CLEC12A: variants seen among roughly 807,000 people sequenced by gnomAD.
CLEC12A encodes C-type lectin domain family 12 member A, also known as C-type lectin protein CLL-1.
Under a neutral mutation model 26.5 loss-of-function variants are expected in CLEC12A, and 22 were observed. The ratio of observed to expected loss-of-function variants is 0.83; its 90% confidence interval spans 0.59 to 1.19. The LOEUF is 1.19. CLEC12A is among the 50% of genes most tolerant of loss of function. The pLI is 0.00. For synonymous variants in CLEC12A, 119 were observed against 101.9 expected (o/e 1.17, Z -1.01); for missense variants, 353 against 315.6 (o/e 1.12, Z -0.90).
the CLEC12A span, among the ~76,000 whole-genome samples, chr12:10,005,424 G>T: frequency 3.3e-5 from 5 of 152,130 alleles, no homozygotes; most frequent in Non-Finnish European, 4.4e-5. Context: ...AATTGCCCAG[G>T]TTTCTTCCAT....
chr12:9,970,002 T>C (rs1388189700), upstream of CLEC12A, among the ~76,000 whole-genome samples: 1 of 152,244 alleles, frequency 6.6e-6, no homozygotes, highest in East Asian at 1.9e-4. Context: ...AGTAAAGTAC[T>C]TAGGATGAAG....
At chr12:10,001,355 G>T in the CLEC12A span, among the ~76,000 whole-genome samples, 1 of 152,186 alleles carries the variant, frequency 6.6e-6, no homozygotes, top group African/African-American at 2.4e-5. Flanking sequence ...CGCCTTTGAA[G>T]ATATTCCTTT....
chr12:9,980,003 C>G (rs1285254800), intron 3 of CLEC12A, among the ~76,000 whole-genome samples: 1 of 152,120 alleles, frequency 6.6e-6, no homozygotes, highest in East Asian at 1.9e-4. Flanking sequence ...AAAACATATT[C>G]CTTTTGCTCC....
exon 5 of CLEC12A, chr12:9,995,395 G>A (rs1865017165): frequency 2.8e-6 from 2 of 727,060 alleles, no homozygotes; most frequent in Non-Finnish European, 4.9e-6. Flanking sequence ...GTTTGAAATT[G>A]TACCAATTTG....
upstream of CLEC12A, among the ~76,000 whole-genome samples, chr12:9,967,606 G>C (rs1490385943): frequency 2.0e-5 from 3 of 152,052 alleles, no homozygotes; most frequent in African/African-American, 7.2e-5. Flanking sequence ...GAGACATGGA[G>C]AGAAGGGGTT....
chr12:9,955,907 C>G (rs999275477), intron 1 of CLEC12A, among the ~76,000 whole-genome samples: 2 of 152,022 alleles, frequency 1.3e-5, no homozygotes. Context: ...TGGAGGAAAA[C>G]GTTGCTTCTC....
At chr12:9,987,992 G>T (rs1399283909), downstream of CLEC12A, among the ~76,000 whole-genome samples, 1 of 151,608 alleles carries the variant, frequency 6.6e-6, no homozygotes, top group Non-Finnish European at 1.5e-5. Context: ...TATTTTTTGG[G>T]CTGTGGACTG....
downstream of CLEC12A, among the ~76,000 whole-genome samples, chr12:9,988,964 G>A (rs1180365198): frequency 5.9e-5 from 9 of 152,002 alleles, no homozygotes; most frequent in South Asian, 2.1e-4. Flanking sequence ...GAACCAACCC[G>A]AATGTCCAAC....
intron 4 of CLEC12A, chr12:9,993,328 G>A: frequency 6.7e-7 from 1 of 1,483,428 alleles, no homozygotes; most frequent in Non-Finnish European, 9.2e-7. Flanking sequence ...TGAAAACTGA[G>A]CAAACAATCA....
chr12:9,954,797 CTT>C (rs1398510771), intron 1 of CLEC12A, among the ~76,000 whole-genome samples: 1 of 152,120 alleles, frequency 6.6e-6, no homozygotes, highest in Non-Finnish European at 1.5e-5. Context: ...GTTTACATGA[CTT>C]AAGTAAATCT....
chr12:9,981,120 T>C (rs1864541111), intron 4 of CLEC12A, among the ~76,000 whole-genome samples: 1 of 152,214 alleles, frequency 6.6e-6, no homozygotes, highest in African/African-American at 2.4e-5. Context: ...GTTTTGTTTC[T>C]ACCATTTTGT....
At chr12:9,961,166 T>A (rs1196799274) in intron 1 of CLEC12A, among the ~76,000 whole-genome samples, 3 of 152,170 alleles carry the variant, frequency 2.0e-5, no homozygotes, top group Non-Finnish European at 4.4e-5. Flanking sequence ...TGGTAAGAGG[T>A]TGTAGAGACC....
the CLEC12A span, among the ~76,000 whole-genome samples, chr12:10,002,809 C>A: frequency 6.6e-6 from 1 of 152,152 alleles, no homozygotes; most frequent in Non-Finnish European, 1.5e-5. Context: ...TTTCTAAATT[C>A]TTTCGACTAC....
At chr12:9,975,168 A>G (rs1020664687) in intron 1 of CLEC12A, among the ~76,000 whole-genome samples, 2 of 152,208 alleles carry the variant, frequency 1.3e-5, no homozygotes, top group African/African-American at 4.8e-5. Flanking sequence ...GTGAAAATGA[A>G]CTAATGCAGT....
At chr12:10,001,980 C>A in the CLEC12A span, among the ~76,000 whole-genome samples, 1 of 150,824 alleles carries the variant, frequency 6.6e-6, no homozygotes, top group Non-Finnish European at 1.5e-5. Context: ...CCTGGGTTCA[C>A]GCCGTTCTCC....
In CLEC12A at chr12:9,971,651, G is replaced by C. The variant is rs1430161217; in HGVS notation, c.55G>C (p.Glu19Gln). ...DLQFQNSSEMEKIPEIGKFGE... is the reference protein window; with the variant it reads ...DLQFQNSSEMQKIPEIGKFGE... ...TCAATTCCAGAACTCCAGTGAGATGGAAAAAATCCCAGAAATTGGCAAATT... is the reference window on the plus strand; with the variant it reads ...TCAATTCCAGAACTCCAGTGAGATGCAAAAAATCCCAGAAATTGGCAAATT... Residue 19 changes from glutamate (E) to glutamine (Q), a missense_variant, in exon 1 of 6, where the codon GAA (glutamate) becomes CAA (glutamine). Coordinates refer to ENST00000304361, the MANE Select transcript of CLEC12A (RefSeq NM_138337.6). 1 of 1,610,016 alleles carries C rather than the reference G, an allele frequency of 6.2e-7. No individual in the cohort carries two copies.
chr12:9,974,218 C>T (rs1309575958), intron 1 of CLEC12A, among the ~76,000 whole-genome samples: 1 of 152,172 alleles, frequency 6.6e-6, no homozygotes, highest in Non-Finnish European at 1.5e-5. Context: ...TTGCACATCC[C>T]TCCTGACACA....
At chr12:9,960,840 A>G (rs1345672686) in intron 1 of CLEC12A, among the ~76,000 whole-genome samples, 1 of 152,196 alleles carries the variant, frequency 6.6e-6, no homozygotes, top group Non-Finnish European at 1.5e-5. Flanking sequence ...CACCCAGGCA[A>G]TGAGACTGCA....
upstream of CLEC12A, among the ~76,000 whole-genome samples, chr12:9,968,275 C>T (rs548566813): frequency 6.6e-5 from 10 of 152,266 alleles, no homozygotes; most frequent in Admixed American, 1.3e-4. Flanking sequence ...AAATTTCACT[C>T]GCATCCGTGT....
Sources: gnomAD v4.1 joint callset for allele counts (sites outside exome capture counted in the v4.1 genomes callset) on GRCh38, gnomAD v4.1.1 for gene constraint, MANE v1.5 for transcripts, NCBI Gene and HGNC (gene_info 2026-07-23, HGNC 2026-07-21) for gene names.